Variants in HIVEP1 observed in about 807,000 individuals in gnomAD.
HIVEP1 encodes HIVEP zinc finger 1, also known as zinc finger protein 40.
Under a neutral mutation model 180.0 loss-of-function variants are expected in HIVEP1, and 36 were observed. That is an observed-to-expected ratio of 0.20 (90% CI 0.15 to 0.26). The LOEUF is 0.26. Among genes scored for constraint, HIVEP1 ranks in the 10% least tolerant of loss-of-function variants. The pLI, the probability that HIVEP1 is intolerant of heterozygous loss-of-function variation, is 1.00. For synonymous variants in HIVEP1, 1,239 were observed against 1,239.0 expected, an observed-to-expected ratio of 1.00 and a Z score of 0.00; for missense variants, 3,143 against 3,268.7, an observed-to-expected ratio of 0.96 and a Z score of 0.94.
chr6:12,146,022 G>A (rs1469876068), intron 7 of HIVEP1, among the ~76,000 whole-genome samples: 6 of 152,212 alleles, frequency 3.9e-5, no homozygotes, highest in Non-Finnish European at 1.5e-5. Context: ...TGCTTCATAT[G>A]TTTGAGCCTT....
intron 4 of HIVEP1, among the ~76,000 whole-genome samples, chr6:12,128,129 G>A (rs776830232): frequency 2.0e-5 from 3 of 152,172 alleles, no homozygotes; most frequent in Admixed American, 6.5e-5. Flanking sequence ...TTAATAGTAC[G>A]AAAGTGAGCA....
chr6:12,104,252 T>C (rs1774273410), intron 3 of HIVEP1, among the ~76,000 whole-genome samples: 1 of 152,052 alleles, frequency 6.6e-6, no homozygotes, highest in Admixed American at 6.6e-5. Context: ...TCCTTACATA[T>C]TGCCTCTGCC....
chr6:12,205,946 C>T, the HIVEP1 span, among the ~76,000 whole-genome samples: 5 of 152,044 alleles, frequency 3.3e-5, no homozygotes, highest in East Asian at 7.7e-4. Context: ...TAGATAGTAA[C>T]AGGGTGTATT....
At chr6:12,181,982 T>G in the HIVEP1 span, among the ~76,000 whole-genome samples, 13 of 152,332 alleles carry the variant, frequency 8.5e-5, no homozygotes, top group South Asian at 2.7e-3. Context: ...AACTATGGAA[T>G]ACCTCATATT....
chr6:12,020,336 A>T, intron 2 of HIVEP1: 1 of 471,192 alleles, frequency 2.1e-6, no homozygotes, highest in Non-Finnish European at 4.4e-6. Context: ...CTTGGTGTTC[A>T]GAAGAAAGGC....
At position 12,121,376 on chromosome 6, in the gene HIVEP1, T is replaced by G; in HGVS notation, c.1581T>G (p.Thr527=). ...HIIKRMSNAE[T]LLKSSFTPSS... is the part of the protein sequence containing the mutation. ...TAAAGAGGATGTCAAATGCTGAAAC[T>G]TTACTAAAATCAAGCTTCACTCCAA... Residue 527 remains threonine, a synonymous_variant, in exon 4 of 9, where the codon ACT becomes ACG. Transcript: ENST00000379388. This position sits in a 1 kb window ranked among gnomAD's most constrained non-coding sequence, Gnocchi z 5.3. The G allele has an allele frequency of 6.2e-7, 1 of 1,614,098 alleles. No homozygotes were observed. The highest frequency in any genetic ancestry group is 8.5e-7 in the Non-Finnish European group (1 of 1,180,008).
chr6:12,135,850 G>A lies in HIVEP1; in HGVS notation c.6445G>A (p.Val2149Ile), dbSNP rs375943751. 4.7e-5 allele frequency: 76 copies of A among 1,611,870 alleles called. No individual in the cohort carries two copies. The highest frequency in any genetic ancestry group is 4.2e-4 in the South Asian group (38 of 91,032). ...AHSKKCVDLGVSVGLIDEQDT... is the reference protein window; with the variant it reads ...AHSKKCVDLGISVGLIDEQDT... ...TAGCAAGAAATGTGTGGATTTAGGC[G>A]TCTCAGTAGGTTTAATAGATGAACA... Residue 2149 changes from valine to isoleucine, a missense_variant, in exon 7 of 9, where the codon GTC becomes ATC. Val to Ile is a conservative substitution (Grantham distance 29). This residue lies in a region of HIVEP1 where 126 missense variants were observed against 168.5 expected (regional missense o/e 0.75). Coordinates refer to ENST00000379388, the MANE Select transcript of HIVEP1 (RefSeq NM_002114.4).
At chr6:12,194,935 CAGGGGAA>C in the HIVEP1 span, among the ~76,000 whole-genome samples, 1 of 152,114 alleles carries the variant, frequency 6.6e-6, no homozygotes, top group African/African-American at 2.4e-5. Context: ...CAGACACTGC[CAGGGGAA>C]GCTGGGAAAA....
chr6:12,128,781 C>T (rs767278453), intron 4 of HIVEP1, among the ~76,000 whole-genome samples: 5 of 152,120 alleles, frequency 3.3e-5, no homozygotes, highest in Non-Finnish European at 7.4e-5. Context: ...AACCACACAT[C>T]GTTTATCATT....
chr6:12,138,794 C>A (rs992446153), intron 7 of HIVEP1, among the ~76,000 whole-genome samples: 3 of 151,932 alleles, frequency 2.0e-5, no homozygotes, highest in Non-Finnish European at 4.4e-5. Flanking sequence ...TGTCCCAGAT[C>A]CCTGGTTCAC....
intron 1 of HIVEP1, among the ~76,000 whole-genome samples, chr6:12,015,242 C>G (rs1232173406): frequency 6.6e-6 from 1 of 152,124 alleles, no homozygotes. Context: ...TAGCCTGATG[C>G]GATACTTTAC....
intron 2 of HIVEP1, among the ~76,000 whole-genome samples, chr6:12,064,319 A>G (rs1291724149): frequency 6.6e-6 from 1 of 152,142 alleles, no homozygotes; most frequent in Non-Finnish European, 1.5e-5. Flanking sequence ...AGTCAGGGAA[A>G]CCAGATGAAG....
At chr6:12,178,852 ATAGAG>A in the HIVEP1 span, among the ~76,000 whole-genome samples, 1 of 152,232 alleles carries the variant, frequency 6.6e-6, no homozygotes, top group Non-Finnish European at 1.5e-5. Flanking sequence ...ATGCCTTTCA[ATAGAG>A]TAATGTCTGA....
intron 2 of HIVEP1, among the ~76,000 whole-genome samples, chr6:12,087,863 G>T (rs955482020): frequency 2.6e-5 from 4 of 152,060 alleles, no homozygotes; most frequent in African/African-American, 9.7e-5. Flanking sequence ...TTATATTCTG[G>T]ATCTGATAAT....
At chr6:12,211,170 C>A in the HIVEP1 span, among the ~76,000 whole-genome samples, 1 of 143,070 alleles carries the variant, frequency 7.0e-6, no homozygotes, top group African/African-American at 2.7e-5. Context: ...GAGGCTGAGG[C>A]GGGCGGATCA....
At chr6:12,009,971 A>C (rs1238503973), upstream of HIVEP1, among the ~76,000 whole-genome samples, 1 of 152,258 alleles carries the variant, frequency 6.6e-6, no homozygotes, top group African/African-American at 2.4e-5. Context: ...AACGTTATTC[A>C]TTCAGTTAGC....
At chr6:12,192,543 T>C in the HIVEP1 span, among the ~76,000 whole-genome samples, 1 of 152,170 alleles carries the variant, frequency 6.6e-6, no homozygotes, top group Non-Finnish European at 1.5e-5. Flanking sequence ...GGGGGCAGAT[T>C]TCCCCCTTGC....
chr6:12,035,408 TAAG>T (rs1769211319), intron 2 of HIVEP1, among the ~76,000 whole-genome samples: 1 of 152,186 alleles, frequency 6.6e-6, no homozygotes, highest in African/African-American at 2.4e-5. Flanking sequence ...TTTAATGAAA[TAAG>T]AATAGTTCAG....
intron 3 of HIVEP1, 49 bp from the exon 4 acceptor site, chr6:12,119,841 T>C: frequency 8.6e-7 from 1 of 1,167,378 alleles, no homozygotes; most frequent in Non-Finnish European, 1.2e-6. Flanking sequence ...TTATAGTTGG[T>C]GTATGTACAA....
Sources: allele counts gnomAD v4.1 joint callset (sites outside exome capture counted in the v4.1 genomes callset), GRCh38; gene constraint gnomAD v4.1.1; regional missense constraint gnomAD v4.1.1; non-coding constraint Gnocchi (gnomAD v3.1); transcripts MANE v1.5; gene names NCBI Gene and HGNC (gene_info 2026-07-23, HGNC 2026-07-21).